The following PGM1 variants were observed in gnomAD, a reference collection of about 807,000 sequenced individuals.
The protein encoded by PGM1 is phosphoglucomutase-1.
PGM1 carries 52 observed loss-of-function variants against 55.6 expected under a neutral mutation model. The observed-to-expected ratio is 0.94, with a 90% confidence interval of 0.75 to 1.18. The LOEUF is 1.18. PGM1 is among the 50% of genes most tolerant of loss of function. The probability of loss-of-function intolerance (pLI) is 0.00; values close to 1 mark genes in which losing one functional copy is unlikely to be tolerated. For missense variants in PGM1, 724 were observed against 729.3 expected (o/e 0.99, Z 0.08); for synonymous variants, 287 against 271.7 (o/e 1.06, Z -0.55).
At chr1:63,647,055 C>T (rs538562649) in intron 7 of PGM1, among the ~76,000 whole-genome samples, 81 of 151,718 alleles carry the variant, frequency 5.3e-4, no homozygotes, top group African/African-American at 1.9e-3. Flanking sequence ...CCAGCCTGGC[C>T]AACATGGCGA....
intron 4 of PGM1, among the ~76,000 whole-genome samples, chr1:63,633,777 C>T (rs1163883500): frequency 2.6e-5 from 4 of 151,074 alleles, no homozygotes; most frequent in Non-Finnish European, 5.9e-5. Flanking sequence ...AAGCGATTCT[C>T]CTGCCTCAGC....
chr1:63,650,799 T>G (rs1285876155), intron 8 of PGM1, among the ~76,000 whole-genome samples: 1 of 152,202 alleles, frequency 6.6e-6, no homozygotes, highest in African/African-American at 2.4e-5. Context: ...ACTTTTTTCC[T>G]TGGCCCTTTT....
At chr1:63,636,873 G>T (rs981002008) in intron 6 of PGM1, among the ~76,000 whole-genome samples, 1 of 152,308 alleles carries the variant, frequency 6.6e-6, no homozygotes, top group East Asian at 1.9e-4. Flanking sequence ...ACAGAGTGTG[G>T]GTGAAAGAGC....
At chr1:63,615,213 T>G (rs1024989220) in intron 1 of PGM1, among the ~76,000 whole-genome samples, 1 of 152,254 alleles carries the variant, frequency 6.6e-6, no homozygotes, top group East Asian at 1.9e-4. Flanking sequence ...GTTAGAAGGA[T>G]GTGATCAGTC....
At chr1:63,598,594 C>T (rs1178462835) in intron 1 of PGM1, among the ~76,000 whole-genome samples, 1 of 152,126 alleles carries the variant, frequency 6.6e-6, no homozygotes, top group Non-Finnish European at 1.5e-5. Context: ...AGTAATAATA[C>T]TGTGGTTTGC....
rs369977897 is a variant in PGM1, at chr1:63,641,076, C to T, written c.1144+2276C>T. Among the ~76,000 whole-genome samples, 114 of 152,294 alleles carry T rather than the reference C, an allele frequency of 7.5e-4. 2 individuals are homozygous for T. The South Asian group carries it at 0.022, about 30-fold the overall frequency. On this transcript the variant is annotated intron_variant, in intron 7 of 10. Coordinates refer to ENST00000371084, the MANE Select transcript of PGM1 (RefSeq NM_002633.3). ...TAAAGTTTTTACCTAGAACTATTTG[C>T]CAAGGGAAGTCTCTCATGTTATGTT...
chr1:63,658,888 C>T (rs1650037942), intron 10 of PGM1, among the ~76,000 whole-genome samples: 3 of 152,182 alleles, frequency 2.0e-5, no homozygotes, highest in African/African-American at 7.2e-5. Context: ...GCCTCACAAT[C>T]ATGGTGGAAG....
At chr1:63,648,820 A>G (rs1222573493) in intron 8 of PGM1, among the ~76,000 whole-genome samples, 168 bp downstream of exon 8, 1 of 152,218 alleles carries the variant, frequency 6.6e-6, no homozygotes, top group Non-Finnish European at 1.5e-5. Context: ...AAATGAAGTC[A>G]ATTTTTATGT....
At position 63,594,101 on chromosome 1, in the gene PGM1, A is replaced by C. The variant is rs139934818; in HGVS notation, c.246+367A>C. On this transcript the variant is annotated intron_variant, in intron 1 of 10. Transcript: ENST00000371084. ...TTTGCCCTAACCTTGCAGCCTTGGA[A>C]GATACGATTACGGCGCAGAGTGCTG... The C allele has an allele frequency of 2.0e-5, 20 of 1,022,146 alleles. No individual in the cohort carries two copies. The East Asian group carries it at 1.7e-3, about 87-fold the overall frequency. The allele number at this position is 1,022,146 out of a possible 1,614,324, so 63.3% of individuals were successfully genotyped here. A position where few individuals can be genotyped will look rare whatever the true frequency, so the allele number is the denominator to read the frequency against.
At chr1:63,636,496 G>C (rs1261023995) in intron 6 of PGM1, 108 bp downstream of exon 6, 8 of 1,120,790 alleles carry the variant, frequency 7.1e-6, no homozygotes, top group Non-Finnish European at 1.1e-5. Context: ...ATGGGCATCT[G>C]ATGCATAGAG....
At chr1:63,659,125 A>G (rs1341100724) in intron 10 of PGM1, among the ~76,000 whole-genome samples, 1 of 152,228 alleles carries the variant, frequency 6.6e-6, no homozygotes, top group Non-Finnish European at 1.5e-5. Context: ...GTGGGGACAC[A>G]GAGCCAAACC....
Position 63,613,726 on chromosome 1 carries a change from G to A in PGM1, c.247-15699G>A, listed in dbSNP as rs549178126. On this transcript the variant is annotated intron_variant, in intron 1 of 10. Transcript: ENST00000371084. ...ATCTTTTTTTTTTTTTTTTTTTGGA[G>A]GGGGCGGGAGTAGTGCACCATTCAA... 2.0e-3 allele frequency among the ~76,000 whole-genome samples: 293 copies of A among 144,614 alleles called. 3 individuals are homozygous for A. The highest frequency in any genetic ancestry group is 3.2e-3 in the Non-Finnish European group (212 of 66,468). The allele number at this position is 144,614 out of a possible 152,430, so 94.9% of individuals were successfully genotyped here. A position where few individuals can be genotyped will look rare whatever the true frequency, so the allele number is the denominator to read the frequency against.
intron 7 of PGM1, among the ~76,000 whole-genome samples, chr1:63,640,636 G>C (rs1432660055): frequency 6.6e-6 from 1 of 152,172 alleles, no homozygotes; most frequent in Non-Finnish European, 1.5e-5. Context: ...CAGAGCCCCA[G>C]AGCCAAGTAG....
intron 1 of PGM1, among the ~76,000 whole-genome samples, chr1:63,627,568 G>A (rs1391958965): frequency 6.6e-6 from 1 of 152,046 alleles, no homozygotes; most frequent in Non-Finnish European, 1.5e-5. Flanking sequence ...CCTCTTCTTG[G>A]GCTCAAGAGA....
At chr1:63,612,337 A>C (rs1256713684) in intron 1 of PGM1, among the ~76,000 whole-genome samples, 1 of 152,190 alleles carries the variant, frequency 6.6e-6, no homozygotes, top group East Asian at 1.9e-4. Context: ...CACCATCTGC[A>C]TGTGACCTAC....
chr1:63,615,959 A>G (rs58138851), intron 1 of PGM1, among the ~76,000 whole-genome samples: 4,375 of 152,134 alleles, frequency 0.029, 187 homozygotes, highest in African/African-American at 0.099. Context: ...AGGTGAGTGA[A>G]GCACTGCCCC....
In PGM1 at chr1:63,651,819, C is replaced by G; in HGVS notation, c.1431C>G (p.Ser477Arg). 1 of 1,613,994 alleles carries G rather than the reference C, an allele frequency of 6.2e-7. No individual in the cohort carries two copies. The highest frequency in any genetic ancestry group is 8.5e-7 in the Non-Finnish European group (1 of 1,179,914). ...TVEKADNFEYSDPVDGSISRN... is the reference protein window; with the variant it reads ...TVEKADNFEYRDPVDGSISRN... ...AGAAGGCCGATAACTTTGAATACAG[C>G]GACCCAGTGGATGGAAGCATTTCAA... is the stretch of plus-strand genomic sequence containing the variant. The change falls in exon 9 of 11, where the codon AGC (serine) becomes AGG (arginine). Residue 477 changes from serine (S) to arginine (R), a missense_variant. Physicochemically the swap from Ser to Arg is moderately radical, Grantham distance 110. Transcript: ENST00000371084.
intron 10 of PGM1, among the ~76,000 whole-genome samples, chr1:63,655,112 G>A (rs1649926022): frequency 6.6e-6 from 1 of 151,710 alleles, no homozygotes; most frequent in East Asian, 1.9e-4. Context: ...CGGATTACAG[G>A]CACGTGCCAC....
chr1:63,614,499 G>A (rs1431505198), intron 1 of PGM1, among the ~76,000 whole-genome samples: 1 of 152,134 alleles, frequency 6.6e-6, no homozygotes, highest in African/African-American at 2.4e-5. Context: ...TTACCCACAT[G>A]CTTTAAAAGC....
Sources: allele counts gnomAD v4.1 joint callset (sites outside exome capture counted in the v4.1 genomes callset), GRCh38; gene constraint gnomAD v4.1.1; transcripts MANE v1.5; gene names NCBI Gene and HGNC (gene_info 2026-07-23, HGNC 2026-07-21).